FAM120A: variants seen among roughly 807,000 people sequenced by gnomAD.
The protein encoded by FAM120A is constitutive coactivator of PPAR-gamma-like protein 1.
FAM120A carries 15 observed loss-of-function variants against 109.7 expected under a neutral mutation model. The ratio of observed to expected loss-of-function variants is 0.14; its 90% CI spans 0.09 to 0.21. The LOEUF is 0.21. FAM120A is among the 10% of genes least tolerant of loss of function. FAM120A has a pLI of 1.00. For synonymous variants in FAM120A, 493 were observed against 572.8 expected (o/e 0.86, Z 1.99); for missense variants, 899 against 1,439.3 (o/e 0.62, Z 6.07).
chr9:93,484,141 C>A (rs1011199647), intron 3 of FAM120A, among the ~76,000 whole-genome samples: 1 of 151,822 alleles, frequency 6.6e-6, no homozygotes, highest in Non-Finnish European at 1.5e-5. Context: ...ACGCAAACTC[C>A]TGGGCTCAAG....
rs144714903 is a variant in FAM120A at position 93,498,820 on chromosome 9, A to C, written c.964A>C (p.Lys322Gln). The change falls in exon 5 of 18, where the codon AAG (lysine) becomes CAG (glutamine). Residue 322 changes from lysine (K) to glutamine (Q), a missense_variant. By Grantham distance (53) the Lys-to-Gln change is moderately conservative (BLOSUM62 1). Around this residue, in one of 11 missense-constraint regions of FAM120A, gnomAD observed 258 missense variants for 451.4 expected, o/e 0.57. Coordinates refer to ENST00000277165, the MANE Select transcript of FAM120A (RefSeq NM_014612.5). The surrounding 1 kb of genome is among the most constrained non-coding windows in gnomAD (Gnocchi z 4.4). ...AACAGATGACAAAGTTATTCGATTT[A>C]AGAGAGCAATTGGATATTATTCAGC... Reference protein sequence around the residue: ...SRTDDKVIRFKRAIGYYSATS... With the variant: ...SRTDDKVIRFQRAIGYYSATS... 8 of 1,612,384 alleles carry C rather than the reference A, an allele frequency of 5.0e-6. No individual in the cohort carries two copies. The African/African-American group carries it at 8.0e-5, about 16-fold the overall frequency.
chr9:93,535,492 A>G (rs1861481839), intron 10 of FAM120A, among the ~76,000 whole-genome samples: 1 of 152,236 alleles, frequency 6.6e-6, no homozygotes, highest in Admixed American at 6.5e-5. Context: ...TGCATTGTTA[A>G]TGTGCTATGA....
intron 5 of FAM120A, among the ~76,000 whole-genome samples, chr9:93,506,945 T>G (rs1443959143): frequency 6.6e-6 from 1 of 152,204 alleles, no homozygotes; most frequent in East Asian, 1.9e-4. Flanking sequence ...ACTGTTCTTG[T>G]CTAGCCCTTG....
At chr9:93,519,418 T>A (rs767804099) in intron 7 of FAM120A, among the ~76,000 whole-genome samples, 1 of 152,064 alleles carries the variant, frequency 6.6e-6, no homozygotes, top group Non-Finnish European at 1.5e-5. Flanking sequence ...ATTTTTTGTA[T>A]TTTTAGTAGA....
intron 5 of FAM120A, among the ~76,000 whole-genome samples, chr9:93,509,886 T>C (rs1292447819): frequency 6.6e-6 from 1 of 152,262 alleles, no homozygotes; most frequent in Non-Finnish European, 1.5e-5. Context: ...TTTTATATTT[T>C]CTCACCTCAT....
chr9:93,520,749 C>T (rs1860812474), intron 7 of FAM120A, among the ~76,000 whole-genome samples: 1 of 152,172 alleles, frequency 6.6e-6, no homozygotes, highest in Non-Finnish European at 1.5e-5. Flanking sequence ...GTTCATTGCA[C>T]AGGAGCCTCA....
chr9:93,468,846 A>G (rs531393457), intron 1 of FAM120A, among the ~76,000 whole-genome samples: 4 of 152,288 alleles, frequency 2.6e-5, no homozygotes, highest in Admixed American at 6.5e-5. Flanking sequence ...AAAGAGTGTG[A>G]ACGTTTTACA....
At chr9:93,484,842 T>G (rs1858967530) in intron 3 of FAM120A, among the ~76,000 whole-genome samples, 1 of 152,212 alleles carries the variant, frequency 6.6e-6, no homozygotes, top group Non-Finnish European at 1.5e-5. Flanking sequence ...CCCAAAGTGC[T>G]GGGATTACAG....
intron 2 of FAM120A, 114 bp from the exon 3 acceptor site, chr9:93,476,142 T>C (rs1466719154): frequency 1.1e-5 from 7 of 640,156 alleles, no homozygotes; most frequent in African/African-American, 5.6e-5. Context: ...GAAGATTTGT[T>C]CTCAGTTTCT....
At chr9:93,481,908 C>T (rs1858829191) in intron 3 of FAM120A, among the ~76,000 whole-genome samples, 2 of 152,300 alleles carry the variant, frequency 1.3e-5, no homozygotes, top group South Asian at 4.2e-4. Context: ...AGGCTGCACC[C>T]TCATTCATGG....
intron 1 of FAM120A, among the ~76,000 whole-genome samples, chr9:93,453,762 G>T (rs1234430016): frequency 3.3e-5 from 5 of 152,190 alleles, no homozygotes; most frequent in Non-Finnish European, 5.9e-5. Flanking sequence ...CTGAATCGGA[G>T]CCTGGGGCGC....
intron 11 of FAM120A, 86 bp downstream of exon 11, chr9:93,543,557 A>T: frequency 1.3e-6 from 2 of 1,484,458 alleles, no homozygotes; most frequent in Non-Finnish European, 9.1e-7. Context: ...TCTAGAAAGG[A>T]TGTAAAGTTT....
chr9:93,550,048 C>T (rs926132168), intron 11 of FAM120A, among the ~76,000 whole-genome samples: 2 of 152,170 alleles, frequency 1.3e-5, no homozygotes, highest in Non-Finnish European at 2.9e-5. Flanking sequence ...GATGGTCCTA[C>T]GCATTGCTTT....
chr9:93,532,560 T>TA lies in FAM120A; in HGVS notation c.1909+233dup. The TA allele has an allele frequency of 1.9e-6, 1 of 534,190 alleles. No individual in the cohort carries two copies. Among genetic ancestry groups the TA allele is most frequent in the South Asian group, 2.2e-5 (1 of 46,250 alleles). 33.1% of individuals were successfully genotyped at this position (534,190 alleles called of 1,614,324 possible). ...CAATAATGATGTTTATTCAGTAAAA[T>TA]AATAAAACAGGTTTACACTTTAAAG... is the stretch of plus-strand genomic sequence containing the variant. On this transcript the variant is annotated intron_variant, in intron 10 of 17. Coordinates refer to ENST00000277165, the MANE Select transcript of FAM120A (RefSeq NM_014612.5). This position sits in a 1 kb window ranked among gnomAD's most constrained non-coding sequence, Gnocchi z 4.3.
At chr9:93,467,145 C>T (rs970367234) in intron 1 of FAM120A, among the ~76,000 whole-genome samples, 7 of 151,506 alleles carry the variant, frequency 4.6e-5, no homozygotes, top group South Asian at 2.1e-4. Context: ...GTATGAGTTT[C>T]GACAAATGCT....
At position 93,451,826 on chromosome 9, in the gene FAM120A, C is replaced by G. The variant is rs1185335664; in HGVS notation, c.-90C>G. On this transcript the variant is annotated 5_prime_UTR_variant, in exon 1 of 18. Transcript: ENST00000277165. ...AGTCCCCCCTAGAGGCCGCCGCCCC[C>G]GCCCGCCAGCCCGCCCGCGCGCCAC... is the stretch of plus-strand genomic sequence containing the variant. 7 of 968,136 alleles carry G rather than the reference C, an allele frequency of 7.2e-6. No individual in the cohort carries two copies. The highest frequency in any genetic ancestry group is 8.6e-6 in the Non-Finnish European group (7 of 817,710). 60.0% of individuals were successfully genotyped at this position (968,136 alleles called of 1,614,324 possible).
intron 3 of FAM120A, among the ~76,000 whole-genome samples, chr9:93,479,111 T>A (rs200011396): frequency 3.0e-5 from 4 of 135,092 alleles, no homozygotes; most frequent in South Asian, 2.5e-4. Context: ...TTTTTTTTTT[T>A]TTTTTGAGAC....
chr9:93,557,708 A>G, intron 13 of FAM120A, 119 bp from the exon 14 acceptor site: 1 of 988,914 alleles, frequency 1.0e-6, no homozygotes, highest in Non-Finnish European at 1.5e-6. Context: ...CAGACATAGA[A>G]TTCATGAATA....
At chr9:93,550,871 C>A (rs1250618578) in intron 12 of FAM120A, among the ~76,000 whole-genome samples, 180 bp downstream of exon 12, 1 of 152,164 alleles carries the variant, frequency 6.6e-6, no homozygotes, top group Non-Finnish European at 1.5e-5. Context: ...AAGGAATATT[C>A]CTTTCTAGTT....
Sources: gnomAD v4.1 joint callset for allele counts (sites outside exome capture counted in the v4.1 genomes callset) on GRCh38, gnomAD v4.1.1 for gene constraint, gnomAD v4.1.1 regional missense constraint, Gnocchi (gnomAD v3.1) non-coding constraint, MANE v1.5 for transcripts, NCBI Gene and HGNC (gene_info 2026-07-23, HGNC 2026-07-21) for gene names.